Variants in TUBB8B observed in about 807,000 individuals in gnomAD.
TUBB8B encodes HSA18p11 beta-tubulin 4Q pseudogene.
A neutral mutation model predicts 31.9 loss-of-function variants in TUBB8B; 26 were observed. The observed-to-expected ratio is 0.81, with a 90% CI of 0.60 to 1.13. TUBB8B has a LOEUF of 1.13. TUBB8B is among the 50% of genes most tolerant of loss of function. The pLI is 0.00. For missense variants in TUBB8B, 467 were observed against 586.7 expected (o/e 0.80, Z 2.11); for synonymous variants, 173 against 231.0 (o/e 0.75, Z 2.28).
chr18:49,268 G>A (rs1170290389), intron 1 of TUBB8B, 31 bp from the exon 2 acceptor site: 8 of 1,520,296 alleles, frequency 5.3e-6, no homozygotes, highest in African/African-American at 1.4e-5. Flanking sequence ...CAGACAGGCC[G>A]GGGCTGAGTC....
upstream of TUBB8B, among the ~76,000 whole-genome samples, chr18:53,330 G>A (rs1906184211): frequency 6.6e-6 from 1 of 151,894 alleles, no homozygotes. Context: ...CATAATGGCA[G>A]AAAAGAGTGA....
At chr18:57,599 CA>C in the TUBB8B span, among the ~76,000 whole-genome samples, 1 of 151,836 alleles carries the variant, frequency 6.6e-6, no homozygotes, top group Non-Finnish European at 1.5e-5. Flanking sequence ...CTGGCTTTTG[CA>C]GGTGCAAAGT....
chr18:65,118 T>C, the TUBB8B span, among the ~76,000 whole-genome samples: 1 of 152,108 alleles, frequency 6.6e-6, no homozygotes, highest in South Asian at 2.1e-4. Context: ...CTTGCCAACA[T>C]GGTGAAACCC....
At chr18:67,018 C>T in the TUBB8B span, among the ~76,000 whole-genome samples, 2 of 139,106 alleles carry the variant, frequency 1.4e-5, no homozygotes, top group African/African-American at 5.6e-5. Flanking sequence ...TTTCCAGAAA[C>T]GGAGTCTCAC....
At chr18:52,414 A>G (rs1600580866), upstream of TUBB8B, among the ~76,000 whole-genome samples, 1 of 151,772 alleles carries the variant, frequency 6.6e-6, no homozygotes, top group South Asian at 2.1e-4. Flanking sequence ...ATTCTTCTCA[A>G]TATTCCCCAG....
At chr18:67,491 CA>C in the TUBB8B span, among the ~76,000 whole-genome samples, 719 of 152,280 alleles carry the variant, frequency 4.7e-3, 4 homozygotes, top group African/African-American at 0.016. Flanking sequence ...CATATGTGTG[CA>C]AGCACAACCA....
At chr18:59,871 C>A in the TUBB8B span, among the ~76,000 whole-genome samples, 1 of 151,782 alleles carries the variant, frequency 6.6e-6, no homozygotes, top group Non-Finnish European at 1.5e-5. Flanking sequence ...TGATATATCA[C>A]ATTGACTGAT....
chr18:60,451 T>C, the TUBB8B span, among the ~76,000 whole-genome samples: 2 of 151,766 alleles, frequency 1.3e-5, 1 homozygote, highest in Non-Finnish European at 2.9e-5. Flanking sequence ...TGCACTGTTT[T>C]CTTCATTCTA....
chr18:64,652 G>A, the TUBB8B span, among the ~76,000 whole-genome samples: 1 of 152,082 alleles, frequency 6.6e-6, no homozygotes, highest in Admixed American at 6.5e-5. Context: ...TTGAACCCGG[G>A]AGTCGGAGGT....
chr18:71,573 A>AAAC, the TUBB8B span, among the ~76,000 whole-genome samples: 1 of 97,684 alleles, frequency 1.0e-5, no homozygotes, highest in Middle Eastern at 4.5e-3. Context: ...AAAATTTAAA[A>AAAC]AAAAAAAAAA....
At chr18:69,653 G>T in the TUBB8B span, among the ~76,000 whole-genome samples, 1 of 152,172 alleles carries the variant, frequency 6.6e-6, no homozygotes. Context: ...TCCTGCAAAA[G>T]GTGTTGCATT....
chr18:56,358 A>G, the TUBB8B span, among the ~76,000 whole-genome samples: 1 of 151,706 alleles, frequency 6.6e-6, no homozygotes, highest in Admixed American at 6.6e-5. Flanking sequence ...TCTGTGAGGA[A>G]TGTCATTGTT....
intron 3 of TUBB8B, 116 bp downstream of exon 3, chr18:48,824 T>A: frequency 1.3e-6 from 1 of 795,400 alleles, no homozygotes; most frequent in Non-Finnish European, 2.2e-6. Flanking sequence ...ACTCGGCGGA[T>A]AGGAGGGTGT....
At chr18:72,513 C>CATT in the TUBB8B span, among the ~76,000 whole-genome samples, 571 of 152,262 alleles carry the variant, frequency 3.8e-3, 2 homozygotes, top group Non-Finnish European at 6.5e-3. Flanking sequence ...TAGACGCACA[C>CATT]AATGGTTTTT....
chr18:55,911 C>G, the TUBB8B span, among the ~76,000 whole-genome samples: 1 of 151,708 alleles, frequency 6.6e-6, no homozygotes, highest in African/African-American at 2.4e-5. Context: ...TTTGCCCAAA[C>G]CAATGCCCTA....
the TUBB8B span, among the ~76,000 whole-genome samples, chr18:65,498 C>A: frequency 6.6e-6 from 1 of 152,048 alleles, no homozygotes; most frequent in Non-Finnish European, 1.5e-5. Context: ...TCAATAGATG[C>A]AGGAAGTACT....
chr18:68,247 G>C, the TUBB8B span, among the ~76,000 whole-genome samples: 1 of 152,032 alleles, frequency 6.6e-6, no homozygotes. Context: ...CCTTCTCCTA[G>C]ATTCCTCAGC....
chr18:59,038 T>C, the TUBB8B span, among the ~76,000 whole-genome samples: 1 of 151,768 alleles, frequency 6.6e-6, no homozygotes, highest in South Asian at 2.1e-4. Context: ...CTCACTATCA[T>C]GAAGATAGTA....
the TUBB8B span, among the ~76,000 whole-genome samples, chr18:60,697 CTTTTT>C: frequency 6.6e-6 from 1 of 151,654 alleles, no homozygotes; most frequent in Admixed American, 6.6e-5. Context: ...TTTCCATTTT[CTTTTT>C]AACATTTTTA....
Sources: allele counts gnomAD v4.1 joint callset (sites outside exome capture counted in the v4.1 genomes callset), GRCh38; gene constraint gnomAD v4.1.1; transcripts MANE v1.5; gene names NCBI Gene and HGNC (gene_info 2026-07-23, HGNC 2026-07-21).